ABCA4: variants seen among roughly 807,000 people sequenced by gnomAD.
The protein encoded by ABCA4 is ATP binding cassette subfamily A member 4.
A neutral mutation model predicts 263.7 loss-of-function variants in ABCA4; 196 were observed. The observed-to-expected ratio is 0.74, with a 90% CI of 0.66 to 0.84. ABCA4 has a LOEUF of 0.84. Among genes scored for constraint, ABCA4 ranks in the 40% least tolerant of loss-of-function variants. ABCA4 has a pLI of 0.00. For missense variants in ABCA4, 2,792 were observed against 2,855.1 expected (o/e 0.98, Z 0.50); for synonymous variants, 1,133 against 1,094.2 (o/e 1.04, Z -0.70).
chr1:94,070,086 C>T (rs1276274677), intron 11 of ABCA4, among the ~76,000 whole-genome samples: 1 of 152,154 alleles, frequency 6.6e-6, no homozygotes, highest in Non-Finnish European at 1.5e-5. Context: ...GTTGAATCAT[C>T]CCAACAACTT....
chr1:94,079,220 A>G (rs1328638160), intron 9 of ABCA4, 102 bp downstream of exon 9: 2 of 1,533,310 alleles, frequency 1.3e-6, no homozygotes, highest in African/African-American at 1.4e-5. Flanking sequence ...AACAAACATG[A>G]GATGTGCTAC....
In ABCA4 at chr1:94,103,029, C is replaced by A; in HGVS notation, c.556G>T (p.Val186Phe). Residue 186 changes from valine to phenylalanine, a missense_variant, in exon 5 of 50, where the codon GTC (valine) becomes TTC (phenylalanine). Val to Phe is a conservative substitution (Grantham distance 50, BLOSUM62 -1). Transcript: ENST00000370225. ...SVVYLLINSQVRPEQFAHGVP... is the reference protein window; with the variant it reads ...SVVYLLINSQFRPEQFAHGVP... ...CATCCCCCTACCTGCTCTGGACGGA[C>A]TTGAGAGTTGATCAGAAGGTAGACC... is the stretch of plus-strand genomic sequence containing the variant. The A allele has an allele frequency of 1.9e-6, 3 of 1,614,222 alleles. No individual in the cohort carries two copies. The highest frequency in any genetic ancestry group is 2.5e-6 in the Non-Finnish European group (3 of 1,180,038).
chr1:94,088,955 G>A (rs140201514), intron 6 of ABCA4, among the ~76,000 whole-genome samples: 1,568 of 152,306 alleles, frequency 0.01, 17 homozygotes, highest in Non-Finnish European at 0.012. Flanking sequence ...TCTTCTTTCT[G>A]AATTTGTTTC....
rs1330135890 is a variant in ABCA4 at position 94,098,862 on chromosome 1, G to A, written c.700C>T (p.Gln234Ter). ...TVRYALCSLS[Q>*]GTLQWIEDTL... ...TCTTCTATCCACTGTAGGGTGCCCT[G>A]GGAGAGGGAGCACAGGGCATAGCGC... The change falls in exon 6 of 50, where the codon CAG (glutamine) becomes TAG (stop). Residue 234 changes from glutamine to a stop codon, truncating the protein, a stop_gained. Coordinates refer to ENST00000370225, the MANE Select transcript of ABCA4 (RefSeq NM_000350.3). LOFTEE classifies it high-confidence loss of function. The A allele has an allele frequency of 6.2e-7, 1 of 1,614,058 alleles. No homozygotes were observed. The highest frequency in any genetic ancestry group is 8.5e-7 in the Non-Finnish European group (1 of 1,180,032).
At chr1:94,070,115 A>G (rs1661367094) in intron 11 of ABCA4, among the ~76,000 whole-genome samples, 1 of 152,192 alleles carries the variant, frequency 6.6e-6, no homozygotes, top group East Asian at 1.9e-4. Context: ...GGATGCTACT[A>G]TATTCAAAAC....
chr1:94,029,929 C>T (rs1660150567), intron 29 of ABCA4, among the ~76,000 whole-genome samples: 1 of 152,166 alleles, frequency 6.6e-6, no homozygotes, highest in African/African-American at 2.4e-5. Context: ...TGAAATTAGT[C>T]TGTTTTGGTC....
chr1:94,063,226 G>C lies in ABCA4; in HGVS notation c.1646C>G (p.Ala549Gly). ...LSLLEENMFW[A>G]GVVFPDMYPW... is the part of the protein sequence containing the mutation. ...ATACATGTCAGGGAATACCACTCCG[G>C]CCCAGAACATGTTTTCCTCCAGTAG... Residue 549 changes from alanine to glycine, a missense_variant, in exon 12 of 50, where the codon GCC (alanine) becomes GGC (glycine). By Grantham distance (60) the Ala-to-Gly change is moderately conservative. Coordinates refer to ENST00000370225, the MANE Select transcript of ABCA4 (RefSeq NM_000350.3). 6.2e-7 allele frequency: 1 copy of C among 1,614,068 alleles called. No homozygotes were observed.
intron 2 of ABCA4, among the ~76,000 whole-genome samples, chr1:94,112,010 C>A (rs376908383): frequency 4.6e-5 from 7 of 152,240 alleles, no homozygotes; most frequent in African/African-American, 1.4e-4. Flanking sequence ...ATGGGCTCCT[C>A]GGGGAGAGGT....
chr1:94,119,128 T>C (rs1308079730), intron 1 of ABCA4, among the ~76,000 whole-genome samples: 1 of 152,206 alleles, frequency 6.6e-6, no homozygotes, highest in Non-Finnish European at 1.5e-5. Flanking sequence ...AGATTATTTT[T>C]TGATAGAAGG....
intron 6 of ABCA4, among the ~76,000 whole-genome samples, chr1:94,087,258 T>C (rs1047654431): frequency 4.6e-5 from 7 of 152,208 alleles, no homozygotes; most frequent in African/African-American, 1.7e-4. Context: ...AACGTCCTAA[T>C]AAATGTATAA....
At position 94,111,400 on chromosome 1, in the gene ABCA4, A is replaced by T. The variant is rs376624791; in HGVS notation, c.302+38T>A. ...CATTTCAGCACGTGAAGGGGTGTGC[A>T]ACTTCCTCCCCTGCATGGTAGGGAT... On this transcript the variant is annotated intron_variant, in intron 3 of 49. Coordinates refer to ENST00000370225, the MANE Select transcript of ABCA4 (RefSeq NM_000350.3). 1.2e-5 allele frequency: 20 copies of T among 1,611,028 alleles called. No individual in the cohort carries two copies. The African/African-American group carries it at 2.7e-4, about 22-fold the overall frequency.
intron 26 of ABCA4, among the ~76,000 whole-genome samples, chr1:94,035,308 T>A (rs1290485361): frequency 1.3e-5 from 2 of 152,218 alleles, no homozygotes; most frequent in African/African-American, 4.8e-5. Flanking sequence ...TGAGCTGAGA[T>A]TATTCAATTT....
At chr1:94,108,513 C>T (rs1662502569) in intron 4 of ABCA4, 64 bp downstream of exon 4, 4 of 1,607,894 alleles carry the variant, frequency 2.5e-6, no homozygotes, top group Non-Finnish European at 3.4e-6. Context: ...CTGTTCTTTC[C>T]TATATCTTCA....
intron 12 of ABCA4, 80 bp downstream of exon 12, chr1:94,063,032 G>T: frequency 7.4e-7 from 1 of 1,354,572 alleles, no homozygotes; most frequent in Non-Finnish European, 1.1e-6. Context: ...TATGAGTCCA[G>T]TCTCAATCCC....
In ABCA4 at chr1:94,037,314, T is replaced by C. The variant is rs759079505; in HGVS notation, c.3644A>G (p.His1215Arg). ...CTCCACCAGCTTTGCCTCTGGAACA[T>C]GGTGGAGAACTACATCCATCAGCTC... Reference protein sequence around the residue: ...VNELMDVVLHHVPEAKLVECI... With the variant: ...VNELMDVVLHRVPEAKLVECI... The change falls in exon 25 of 50, where the codon CAT becomes CGT. Residue 1215 changes from histidine to arginine, a missense_variant. By Grantham distance (29) the His-to-Arg change is conservative (BLOSUM62 0). Coordinates refer to ENST00000370225, the MANE Select transcript of ABCA4 (RefSeq NM_000350.3). 3.1e-6 allele frequency: 5 copies of C among 1,614,102 alleles called. No individual in the cohort carries two copies. Among genetic ancestry groups the C allele is most frequent in the African/African-American group, 1.3e-5 (1 of 74,948 alleles).
Position 94,058,163 on chromosome 1 carries a change from G to A in ABCA4, c.2161-1341C>T, listed in dbSNP as rs999275203. On this transcript the variant is annotated intron_variant, in intron 14 of 49. Coordinates refer to ENST00000370225, the MANE Select transcript of ABCA4 (RefSeq NM_000350.3). ...AAATGGCAAAGGGGAGCGGGGCACA[G>A]AAGAGACCCACGCTTAACTGGAACC... Among the ~76,000 whole-genome samples, 3 of 152,196 alleles carry A rather than the reference G, an allele frequency of 2.0e-5. No homozygotes were observed. In the South Asian group the frequency reaches 6.2e-4, roughly 31 times the overall value.
At chr1:94,043,898 A>T (rs1016835936) in intron 20 of ABCA4, among the ~76,000 whole-genome samples, 1 of 152,206 alleles carries the variant, frequency 6.6e-6, no homozygotes, top group Admixed American at 6.5e-5. Flanking sequence ...ATTATATACC[A>T]ATGTTATAAC....
Position 94,080,676 on chromosome 1 carries a change from T to C in ABCA4, c.901A>G (p.Arg301Gly). 1 of 1,614,134 alleles carries C rather than the reference T, an allele frequency of 6.2e-7. No homozygotes were observed. Among genetic ancestry groups the C allele is most frequent in the Non-Finnish European group, 8.5e-7 (1 of 1,180,032 alleles). The change falls in exon 8 of 50, where the codon AGG (arginine) becomes GGG (glycine). Residue 301 changes from arginine to glycine, a missense_variant. Arg to Gly is a moderately radical substitution (Grantham distance 125). Transcript: ENST00000370225. ...GGACCACCATTCTGCATGAGGGGCC[T>C]GGTCACCCACAGCAAGTCCTGCATA... ...PSMQDLLWVT[R>G]PLMQNGGPET...
Position 94,048,727 on chromosome 1 carries a change from T to A in ABCA4, c.2743+141A>T, listed in dbSNP as rs1258856983. On this transcript the variant is annotated intron_variant, in intron 18 of 49. Transcript: ENST00000370225. ...ATGCAGATGGACCTCTGAGAAGGGA[T>A]CTGGTTTAACACTTGTCCACAGAGA... The A allele has an allele frequency of 7.6e-6, 6 of 790,378 alleles. No homozygotes were observed. In the Admixed American group the frequency reaches 1.0e-4, roughly 13 times the overall value. The allele number at this position is 790,378 out of a possible 1,614,324, so 49.0% of individuals were successfully genotyped here.
Sources: allele counts gnomAD v4.1 joint callset (sites outside exome capture counted in the v4.1 genomes callset), GRCh38; gene constraint gnomAD v4.1.1; transcripts MANE v1.5; gene names NCBI Gene and HGNC (gene_info 2026-07-23, HGNC 2026-07-21).